Variants in OPTN observed in about 807,000 individuals in gnomAD.
OPTN encodes optineurin.
In OPTN, 54 loss-of-function variants were observed where a neutral mutation model predicts 70.4. That is an observed-to-expected ratio of 0.77 (90% CI 0.62 to 0.96). The LOEUF is 0.96. OPTN is among the 40% of genes least tolerant of loss of function. OPTN has a pLI of 0.00. For missense variants in OPTN, 624 were observed against 673.2 expected (o/e 0.93, Z 0.81); for synonymous variants, 256 against 248.5 (o/e 1.03, Z -0.28).
At chr10:13,103,473 T>G (rs1373019474) in intron 1 of OPTN, among the ~76,000 whole-genome samples, 1 of 152,166 alleles carries the variant, frequency 6.6e-6, no homozygotes, top group Non-Finnish European at 1.5e-5. Flanking sequence ...TTTGACACAT[T>G]ATGACTTTCT....
At chr10:13,116,180 A>T in intron 5 of OPTN, 87 bp from the exon 6 acceptor site, 1 of 946,620 alleles carries the variant, frequency 1.1e-6, no homozygotes, top group East Asian at 2.4e-5. Context: ...TGTCACAAAA[A>T]TTCATCTTTT....
In OPTN at chr10:13,132,271, T is replaced by C. The variant is rs1199637090; in HGVS notation, c.1532+74T>C. The C allele has an allele frequency of 4.5e-6, 7 of 1,567,116 alleles. No individual in the cohort carries two copies. The East Asian group carries it at 1.6e-4, about 36-fold the overall frequency. Reference sequence around the variant, plus strand: ...AGAAGAGGTGCCTGTCCAAAGACGTTCCTGATTTGAACTATAAGAATAGCT... The same window carrying C: ...AGAAGAGGTGCCTGTCCAAAGACGTCCCTGATTTGAACTATAAGAATAGCT... On this transcript the variant is annotated intron_variant, in intron 13 of 14. Transcript: ENST00000378747.
intron 13 of OPTN, 137 bp downstream of exon 13, chr10:13,132,334 C>T (rs538035961): frequency 1.8e-5 from 14 of 760,902 alleles, no homozygotes; most frequent in African/African-American, 3.5e-5. Flanking sequence ...GGTGACAGAG[C>T]GAGTCCCCTG....
intron 14 of OPTN, among the ~76,000 whole-genome samples, 156 bp downstream of exon 14, chr10:13,133,737 A>G (rs533962470): frequency 6.6e-6 from 1 of 152,200 alleles, no homozygotes; most frequent in African/African-American, 2.4e-5. Context: ...TCCCATCTCC[A>G]TCCATTACCC....
chr10:13,126,243 T>C (rs1316299395), intron 11 of OPTN, among the ~76,000 whole-genome samples: 1 of 152,058 alleles, frequency 6.6e-6, no homozygotes, highest in African/African-American at 2.4e-5. Context: ...ACAAAGATGA[T>C]GTGAATGTCC....
intron 12 of OPTN, among the ~76,000 whole-genome samples, chr10:13,128,492 T>A (rs1833517748): frequency 7.1e-6 from 1 of 140,602 alleles, no homozygotes; most frequent in Admixed American, 7.2e-5. Context: ...AAGTGCCTTA[T>A]CAAGCCTGCC....
rs1387105883 is a variant in OPTN, at chr10:13,124,061, C to A, written c.949C>A (p.His317Asn). The change falls in exon 9 of 15, where the codon CAT (histidine) becomes AAT (asparagine). Residue 317 changes from histidine (H) to asparagine (N), a missense_variant. Transcript: ENST00000378747. ...TCTGTTTAAGGAGCTTCAAGAGGCTCATACAAAACTCAGCGAAGCTGAGCT... is the reference window on the plus strand; with the variant it reads ...TCTGTTTAAGGAGCTTCAAGAGGCTAATACAAAACTCAGCGAAGCTGAGCT... The part of the protein sequence containing the change: ...TSLFKELQEA[H>N]TKLSEAELMK... 1 of 1,613,848 alleles carries A rather than the reference C, an allele frequency of 6.2e-7. No individual in the cohort carries two copies. Among genetic ancestry groups the A allele is most frequent in the Admixed American group, 1.7e-5 (1 of 59,982 alleles).
chr10:13,123,325 A>AAGG (rs1203521545), intron 8 of OPTN: 22 of 152,762 alleles, frequency 1.4e-4, no homozygotes, highest in African/African-American at 4.8e-4. Context: ...GCCCACGTGA[A>AAGG]AGGCATTTAC....
chr10:13,117,364 G>A lies in OPTN; in HGVS notation c.626+1024G>A, dbSNP rs904373490. The stretch of plus-strand genomic sequence containing the variant: ...CAAAGCGCTGGGATTACAGGCATGA[G>A]CCACCGCGCCCGGCCAGGATCTCTT... On this transcript the variant is annotated intron_variant, in intron 6 of 14. Coordinates refer to ENST00000378747, the MANE Select transcript of OPTN (RefSeq NM_001008212.2). 1.3e-5 allele frequency among the ~76,000 whole-genome samples: 2 copies of A among 148,726 alleles called. 1 individual carries two copies. The highest frequency in any genetic ancestry group is 4.3e-4 in the South Asian group (2 of 4,672).
intron 6 of OPTN, 101 bp downstream of exon 6, chr10:13,116,441 C>A (rs1420668048): frequency 5.0e-6 from 4 of 801,882 alleles, no homozygotes; most frequent in Non-Finnish European, 8.9e-6. Flanking sequence ...GAGGAAGTAA[C>A]TTCTTTATGA....
At chr10:13,107,572 AG>A (rs1239757657) in intron 1 of OPTN, among the ~76,000 whole-genome samples, 2 of 151,334 alleles carry the variant, frequency 1.3e-5, no homozygotes, top group Admixed American at 1.3e-4. Flanking sequence ...TATTAGAGAC[AG>A]GGTTTCACCG....
intron 14 of OPTN, among the ~76,000 whole-genome samples, chr10:13,133,799 AC>A (rs1465461582): frequency 5.9e-5 from 9 of 151,544 alleles, no homozygotes; most frequent in Non-Finnish European, 1.0e-4. Flanking sequence ...TGGCACGGCC[AC>A]ACTTTTTCTT....
chr10:13,114,810 A>ATG (rs1564358849), intron 5 of OPTN, among the ~76,000 whole-genome samples: 2 of 9,828 alleles, frequency 2.0e-4, no homozygotes, highest in East Asian at 4.5e-3. Context: ...ATACATATAT[A>ATG]TAATTATATA....
chr10:13,112,664 A>C (rs1339269483), intron 5 of OPTN, 29 bp downstream of exon 5: 3 of 1,608,696 alleles, frequency 1.9e-6, no homozygotes, highest in Non-Finnish European at 2.6e-6. Context: ...TTTTGTTTTG[A>C]GCAAACTATA....
At chr10:13,122,254 G>A in intron 7 of OPTN, 131 bp from the exon 8 acceptor site, 1 of 697,858 alleles carries the variant, frequency 1.4e-6, no homozygotes, top group Non-Finnish European at 2.6e-6. Flanking sequence ...TAGTGAATGT[G>A]TAGAGATTTT....
At chr10:13,110,118 C>G in intron 3 of OPTN, 156 bp from the exon 4 acceptor site, 1 of 1,383,490 alleles carries the variant, frequency 7.2e-7, no homozygotes, top group East Asian at 2.5e-5. Context: ...TAAGCAAAAA[C>G]CACTTCGTCT....
chr10:13,116,360 G>A lies in OPTN; in HGVS notation c.626+20G>A. On this transcript the variant is annotated intron_variant, in intron 6 of 14. Coordinates refer to ENST00000378747, the MANE Select transcript of OPTN (RefSeq NM_001008212.2). ...TGGCACGTATGTGAAGGAAGACTCG[G>A]GCTGTCAGGCAGACAGGCTGGGCAG... The A allele has an allele frequency of 6.3e-7, 1 of 1,595,896 alleles. No individual in the cohort carries two copies. Among genetic ancestry groups the A allele is most frequent in the Non-Finnish European group, 8.6e-7 (1 of 1,163,566 alleles).
intron 5 of OPTN, among the ~76,000 whole-genome samples, chr10:13,114,803 C>CGTTT (rs1564358784): frequency 1.2e-4 from 2 of 16,802 alleles, no homozygotes; most frequent in Non-Finnish European, 1.8e-4. Context: ...ATTATATATA[C>CGTTT]ATATATATAA....
In OPTN at chr10:13,127,667, T is replaced by C. The variant is rs867990007; in HGVS notation, c.1243-78T>C. On this transcript the variant is annotated intron_variant, in intron 11 of 14. Transcript: ENST00000378747. ...CGGCCAGAGCTGATAATTAAAAAAA[T>C]AAACCTTTTTCTAATATTTTACTAA... 20 of 1,482,524 alleles carry C rather than the reference T, an allele frequency of 1.3e-5. No individual in the cohort carries two copies. In the Middle Eastern group the frequency reaches 2.6e-3, roughly 195 times the overall value. The allele number at this position is 1,482,524 out of a possible 1,614,324, so 91.8% of individuals were successfully genotyped here.
Sources: gnomAD v4.1 joint callset for allele counts (sites outside exome capture counted in the v4.1 genomes callset) on GRCh38, gnomAD v4.1.1 for gene constraint, MANE v1.5 for transcripts, NCBI Gene and HGNC (gene_info 2026-07-23, HGNC 2026-07-21) for gene names.